The following CALU variants were observed in gnomAD, a reference collection of about 807,000 sequenced individuals.
The protein encoded by CALU is IEF SSP 9302.
CALU carries 13 observed loss-of-function variants against 37.5 expected under a neutral mutation model. The observed-to-expected ratio is 0.35, with a 90% confidence interval of 0.23 to 0.55. The LOEUF is 0.55. CALU is among the 20% of genes least tolerant of loss of function. CALU has a pLI of 0.89. For missense variants in CALU, 282 were observed against 391.7 expected (o/e 0.72, Z 2.36); for synonymous variants, 114 against 133.8 (o/e 0.85, Z 1.02).
chr7:128,740,089 C>G (rs953741780), intron 1 of CALU, among the ~76,000 whole-genome samples: 1 of 152,156 alleles, frequency 6.6e-6, no homozygotes, highest in Non-Finnish European at 1.5e-5. Flanking sequence ...ATTTTTGTTA[C>G]GTTTTTTGTT....
intron 5 of CALU, among the ~76,000 whole-genome samples, chr7:128,761,753 T>G (rs1035016096): frequency 6.6e-6 from 1 of 152,258 alleles, no homozygotes; most frequent in East Asian, 1.9e-4. Context: ...GTTTTGTGTT[T>G]CAGATAAGCC....
chr7:128,762,699 C>G (rs1801169797), intron 5 of CALU, among the ~76,000 whole-genome samples: 1 of 151,986 alleles, frequency 6.6e-6, no homozygotes, highest in Non-Finnish European at 1.5e-5. Flanking sequence ...GACAGTCTTG[C>G]TCTGTCACCC....
rs927598695 is a variant in CALU, at chr7:128,769,114, G to T, written c.895G>T (p.Gly299Cys). The change falls in exon 7 of 7, where the codon GGC becomes TGC. Residue 299 changes from glycine (G) to cysteine (C), a missense_variant. Physicochemically the swap from Gly to Cys is radical, Grantham distance 159. Coordinates refer to ENST00000249364, the MANE Select transcript of CALU (RefSeq NM_001219.5). ...EIVDKYDLFV[G>C]SQATDFGEAL... is the part of the protein sequence containing the mutation. ...CGTTGACAAGTATGACTTATTTGTT[G>T]GCAGCCAGGCCACAGATTTTGGGGA... 1.9e-6 allele frequency: 3 copies of T among 1,613,386 alleles called. No individual in the cohort carries two copies. The highest frequency in any genetic ancestry group is 2.7e-5 in the African/African-American group (2 of 74,870).
rs1019629115 is a variant in CALU, at chr7:128,770,964, C to G, written c.*1797C>G. ...TGGTAAAAAGCCAGGTATAATGTAA[C>G]TTCACCCCAGCCTTTGTACTAAGCT... On this transcript the variant is annotated 3_prime_UTR_variant, in exon 7 of 7. Coordinates refer to ENST00000249364, the MANE Select transcript of CALU (RefSeq NM_001219.5). 7 of 152,614 alleles carry G rather than the reference C, an allele frequency of 4.6e-5. No homozygotes were observed. Among genetic ancestry groups the G allele is most frequent in the Non-Finnish European group, 8.8e-5 (6 of 68,038 alleles). The allele number at this position is 152,614 out of a possible 1,614,324, so 9.5% of individuals were successfully genotyped here.
intron 5 of CALU, among the ~76,000 whole-genome samples, chr7:128,766,329 A>T (rs1801327941): frequency 6.6e-6 from 1 of 151,478 alleles, no homozygotes; most frequent in Non-Finnish European, 1.5e-5. Context: ...TTTTTTTTTT[A>T]AAGCAAAGAA....
At chr7:128,746,869 C>T (rs1800465751) in intron 1 of CALU, among the ~76,000 whole-genome samples, 1 of 146,540 alleles carries the variant, frequency 6.8e-6, no homozygotes, top group Non-Finnish European at 1.5e-5. Flanking sequence ...CCTGGGTTCA[C>T]GCCATTCTCC....
At chr7:128,766,921 T>C (rs923290921) in intron 5 of CALU, among the ~76,000 whole-genome samples, 8 of 152,176 alleles carry the variant, frequency 5.3e-5, no homozygotes, top group Non-Finnish European at 1.2e-4. Context: ...TACATTCTTA[T>C]GAAGATCAAT....
chr7:128,762,664 GTTTA>G (rs1160053611), intron 5 of CALU, among the ~76,000 whole-genome samples: 3 of 151,564 alleles, frequency 2.0e-5, no homozygotes, highest in African/African-American at 2.4e-5. Context: ...CAACTTATTT[GTTTA>G]TTTATTTATG....
Position 128,748,488 on chromosome 7 carries a change from T to C in CALU, c.-11-85T>C. The C allele has an allele frequency of 4.1e-6, 5 of 1,207,744 alleles. No homozygotes were observed. In the South Asian group the frequency reaches 7.1e-5, roughly 17 times the overall value. The allele number at this position is 1,207,744 out of a possible 1,614,324, so 74.8% of individuals were successfully genotyped here. On this transcript the variant is annotated intron_variant, in intron 1 of 6. Coordinates refer to ENST00000249364, the MANE Select transcript of CALU (RefSeq NM_001219.5). Reference sequence around the variant, plus strand: ...ATAGATATGTATATCAAATTAATAGTTTAACTCGGATGTGAGCTTTTAATT... The same window carrying C: ...ATAGATATGTATATCAAATTAATAGCTTAACTCGGATGTGAGCTTTTAATT...
At chr7:128,769,031 C>T (rs778789553) in intron 6 of CALU, 32 bp from the exon 7 acceptor site, 14 of 1,214,912 alleles carry the variant, frequency 1.2e-5, no homozygotes, top group Non-Finnish European at 1.7e-5. Flanking sequence ...GAAATATGTT[C>T]TTCTTCAATT....
intron 1 of CALU, among the ~76,000 whole-genome samples, chr7:128,744,335 C>T (rs1423098148): frequency 6.6e-6 from 1 of 152,110 alleles, no homozygotes; most frequent in African/African-American, 2.4e-5. Context: ...TCTGCTTGAA[C>T]ATACATGCTC....
chr7:128,765,117 A>C (rs1801280476), intron 5 of CALU, among the ~76,000 whole-genome samples: 1 of 151,994 alleles, frequency 6.6e-6, no homozygotes, highest in Non-Finnish European at 1.5e-5. Context: ...GTCTCCCTAC[A>C]TTGCCCAGGC....
intron 1 of CALU, among the ~76,000 whole-genome samples, chr7:128,746,307 G>A (rs905596326): frequency 6.6e-6 from 1 of 151,736 alleles, no homozygotes; most frequent in African/African-American, 2.4e-5. Flanking sequence ...ACAGGCGTGT[G>A]CCACCACACC....
At chr7:128,763,339 A>C (rs1027416471) in intron 5 of CALU, among the ~76,000 whole-genome samples, 1 of 151,698 alleles carries the variant, frequency 6.6e-6, no homozygotes, top group Admixed American at 6.6e-5. Context: ...CACCAGCCTG[A>C]CCAACCTGGT....
chr7:128,767,437 T>C lies in CALU; in HGVS notation c.644-19T>C, dbSNP rs1310912432. The C allele has an allele frequency of 6.3e-7, 1 of 1,581,918 alleles. No individual in the cohort carries two copies. Among genetic ancestry groups the C allele is most frequent in the Non-Finnish European group, 8.7e-7 (1 of 1,150,550 alleles). On this transcript the variant is annotated intron_variant, in intron 5 of 6. Coordinates refer to ENST00000249364, the MANE Select transcript of CALU (RefSeq NM_001219.5). Reference sequence around the variant, plus strand: ...GGAAAAGACAAACCCTTCTTTTGTATGTATGTCTGTGTACCCAGGTGACAT... The same window carrying C: ...GGAAAAGACAAACCCTTCTTTTGTACGTATGTCTGTGTACCCAGGTGACAT...
intron 2 of CALU, among the ~76,000 whole-genome samples, chr7:128,751,273 T>A (rs1322527364): frequency 5.9e-5 from 8 of 135,862 alleles, no homozygotes; most frequent in African/African-American, 2.3e-4. Context: ...GGCAACAAAG[T>A]GAGACTCCGT....
At position 128,759,788 on chromosome 7, in the gene CALU, T is replaced by C. The variant is rs542646585; in HGVS notation, c.583-4T>C. 1 of 1,306,748 alleles carries C rather than the reference T, an allele frequency of 7.7e-7. No individual in the cohort carries two copies. Among genetic ancestry groups the C allele is most frequent in the Non-Finnish European group, 1.1e-6 (1 of 900,268 alleles). 80.9% of individuals were successfully genotyped at this position (1,306,748 alleles called of 1,614,324 possible). ...ATAGTCTCTTCTTATTCTTTCCTGT[T>C]TAGGAAACAATGGAAGATATAGATA... is the stretch of plus-strand genomic sequence containing the variant. On this transcript the variant is annotated splice_region_variant and splice_polypyrimidine_tract_variant and intron_variant, in intron 4 of 6. Coordinates refer to ENST00000249364, the MANE Select transcript of CALU (RefSeq NM_001219.5).
intron 1 of CALU, chr7:128,748,118 A>T: frequency 2.5e-6 from 1 of 406,176 alleles, no homozygotes; most frequent in South Asian, 5.3e-5. Context: ...GAGACTCTAA[A>T]TCAATAGGAG....
chr7:128,763,539 A>C (rs1801205977), intron 5 of CALU, among the ~76,000 whole-genome samples: 1 of 152,174 alleles, frequency 6.6e-6, no homozygotes, highest in Non-Finnish European at 1.5e-5. Flanking sequence ...TCAAAAAAAT[A>C]AAGTAAAATA....
Sources: allele counts gnomAD v4.1 joint callset (sites outside exome capture counted in the v4.1 genomes callset), GRCh38; gene constraint gnomAD v4.1.1; transcripts MANE v1.5; gene names NCBI Gene and HGNC (gene_info 2026-07-23, HGNC 2026-07-21).